HNF1B: variants seen among roughly 807,000 people sequenced by gnomAD.
HNF1B encodes hepatocyte nuclear factor 1-beta.
Under a neutral mutation model 61.7 loss-of-function variants are expected in HNF1B, and 8 were observed. The observed-to-expected ratio is 0.13, with a 90% CI of 0.08 to 0.23. The LOEUF (loss-of-function observed/expected upper bound fraction) is 0.23, where lower values mean the gene tolerates loss of function less well. HNF1B is among the 10% of genes least tolerant of loss of function. The probability of loss-of-function intolerance (pLI) is 1.00; values close to 1 mark genes in which losing one functional copy is unlikely to be tolerated. For synonymous variants in HNF1B, 314 were observed against 287.7 expected (o/e 1.09, Z -0.93); for missense variants, 562 against 714.5 (o/e 0.79, Z 2.43).
chr17:37,713,669 G>A (rs1429578014), intron 4 of HNF1B, among the ~76,000 whole-genome samples: 1 of 152,202 alleles, frequency 6.6e-6, no homozygotes, highest in East Asian at 1.9e-4. Flanking sequence ...AATTTCTTGG[G>A]TGAGCACCAG....
In HNF1B at chr17:37,731,480, C is replaced by T. The variant is rs2033680371; in HGVS notation, c.1045+115G>A. Reference sequence around the variant, plus strand: ...TATATTCTGGCAATGAGAGAGCGGCCCTAGGATCATCTCAAAAGCGTTTGC... The same window carrying T: ...TATATTCTGGCAATGAGAGAGCGGCTCTAGGATCATCTCAAAAGCGTTTGC... On this transcript the variant is annotated intron_variant, in intron 4 of 8. Transcript: ENST00000617811. The T allele has an allele frequency of 9.6e-6, 8 of 829,788 alleles. No homozygotes were observed. The East Asian group carries it at 2.1e-4, about 22-fold the overall frequency. The allele number at this position is 829,788 out of a possible 1,614,324, so 51.4% of individuals were successfully genotyped here.
In HNF1B at chr17:37,733,662, C is replaced by T. The variant is rs2033752564; in HGVS notation, c.704G>A (p.Arg235Gln). The T allele has an allele frequency of 1.2e-6, 2 of 1,614,112 alleles. No individual in the cohort carries two copies. Among genetic ancestry groups the T allele is most frequent in the Non-Finnish European group, 8.5e-7 (1 of 1,180,032 alleles). The change falls in exon 3 of 9, where the codon CGG becomes CAG. Residue 235 changes from arginine to glutamine, a missense_variant. By Grantham distance (43) the Arg-to-Gln change is conservative. Coordinates refer to ENST00000617811, the MANE Select transcript of HNF1B (RefSeq NM_000458.4). ...EPTNKKMRRNRFKWGPASQQI... is the reference protein window; with the variant it reads ...EPTNKKMRRNQFKWGPASQQI... ...CTGGGACGCGGGCCCCCATTTGAAC[C>T]GGTTGCGGCGCATCTTCTTGTTGGT...
At chr17:37,699,668 G>A (rs1023896019) in intron 7 of HNF1B, among the ~76,000 whole-genome samples, 4 of 152,216 alleles carry the variant, frequency 2.6e-5, no homozygotes, top group Admixed American at 2.0e-4. Flanking sequence ...CAGGTGAAGG[G>A]ATGGGGTAAG....
chr17:37,697,645 G>GC (rs1422411373), intron 8 of HNF1B, among the ~76,000 whole-genome samples: 1 of 152,142 alleles, frequency 6.6e-6, no homozygotes, highest in Non-Finnish European at 1.5e-5. Flanking sequence ...GCGCCTGGCT[G>GC]CCCCCCTGAT....
intron 5 of HNF1B, among the ~76,000 whole-genome samples, chr17:37,705,740 C>T (rs2032725402): frequency 6.6e-6 from 1 of 152,072 alleles, no homozygotes; most frequent in South Asian, 2.1e-4. Context: ...CTTTTCCTTG[C>T]TAGTACTGAT....
chr17:37,720,518 T>C (rs1288348094), intron 4 of HNF1B, among the ~76,000 whole-genome samples: 2 of 151,784 alleles, frequency 1.3e-5, no homozygotes, highest in African/African-American at 4.8e-5. Flanking sequence ...CATATATATA[T>C]AATTATATAG....
At chr17:37,731,009 C>T (rs747118459) in intron 4 of HNF1B, 2 of 174,386 alleles carry the variant, frequency 1.1e-5, no homozygotes, top group Non-Finnish European at 2.5e-5. Context: ...AGCAGGTACT[C>T]GGTCAGTTTT....
intron 4 of HNF1B, among the ~76,000 whole-genome samples, chr17:37,726,413 C>T (rs62073544): frequency 1.3e-5 from 2 of 152,302 alleles, no homozygotes; most frequent in Non-Finnish European, 1.5e-5. Context: ...TGGAGGAACT[C>T]GGCCCAGGGC....
At chr17:37,723,424 G>A (rs191702400) in intron 4 of HNF1B, among the ~76,000 whole-genome samples, 1 of 152,240 alleles carries the variant, frequency 6.6e-6, no homozygotes, top group Admixed American at 6.5e-5. Context: ...TCGACTTCAT[G>A]AACATCATGA....
At chr17:37,743,561 G>A (rs1368348038) in intron 1 of HNF1B, among the ~76,000 whole-genome samples, 1 of 152,262 alleles carries the variant, frequency 6.6e-6, no homozygotes, top group Admixed American at 6.5e-5. Flanking sequence ...CCAAGGCTCA[G>A]CCCCGAAATC....
chr17:37,715,218 T>A (rs2033065552), intron 4 of HNF1B, among the ~76,000 whole-genome samples: 1 of 152,162 alleles, frequency 6.6e-6, no homozygotes, highest in Non-Finnish European at 1.5e-5. Flanking sequence ...GATGATATGT[T>A]TACTTTTCTC....
intron 4 of HNF1B, chr17:37,721,054 T>C (rs1284289454): frequency 6.3e-6 from 4 of 638,782 alleles, no homozygotes; most frequent in African/African-American, 2.0e-5. Context: ...TCACATAGAC[T>C]TCACTGCCAA....
chr17:37,728,367 C>T (rs1486497824), intron 4 of HNF1B, among the ~76,000 whole-genome samples: 5 of 148,024 alleles, frequency 3.4e-5, no homozygotes, highest in East Asian at 2.0e-4. Context: ...AGTGCAGTGG[C>T]GTGATCTCTG....
intron 2 of HNF1B, among the ~76,000 whole-genome samples, chr17:37,737,822 G>A (rs1337275212): frequency 6.6e-6 from 1 of 152,108 alleles, no homozygotes; most frequent in Non-Finnish European, 1.5e-5. Flanking sequence ...GTGGCAGAGC[G>A]AGACCCCGTC....
intron 7 of HNF1B, 148 bp downstream of exon 7, chr17:37,700,835 C>T (rs1333013217): frequency 8.0e-6 from 6 of 753,540 alleles, no homozygotes; most frequent in Non-Finnish European, 1.1e-5. Context: ...AAGAGTTATG[C>T]TTGAGAAATT....
chr17:37,699,565 G>A (rs2032496918), intron 7 of HNF1B, among the ~76,000 whole-genome samples: 1 of 152,200 alleles, frequency 6.6e-6, no homozygotes, highest in African/African-American at 2.4e-5. Context: ...CTCTTCATGG[G>A]CGGCCAGGCC....
intron 1 of HNF1B, among the ~76,000 whole-genome samples, chr17:37,742,853 G>A (rs1352331716): frequency 6.6e-6 from 1 of 151,392 alleles, no homozygotes; most frequent in African/African-American, 2.4e-5. Context: ...GGGCCGCACG[G>A]GGCGCCTGGC....
rs1038671595 is a variant in HNF1B at position 37,741,099 on chromosome 17, C to A, written c.345-1460G>T. ...TAGCTTGATAGAACAAGAAAAAAAA[C>A]GGAAGGGAAAACTAGTTTCAGGTGA... On this transcript the variant is annotated intron_variant, in intron 1 of 8. Coordinates refer to ENST00000617811, the MANE Select transcript of HNF1B (RefSeq NM_000458.4). Among the ~76,000 whole-genome samples the A allele has an allele frequency of 2.6e-5, 4 of 151,852 alleles. No individual in the cohort carries two copies. The South Asian group carries it at 8.3e-4, about 32-fold the overall frequency.
At chr17:37,712,739 G>C (rs967397881) in intron 4 of HNF1B, among the ~76,000 whole-genome samples, 1 of 152,144 alleles carries the variant, frequency 6.6e-6, no homozygotes, top group Non-Finnish European at 1.5e-5. Flanking sequence ...CTGTGCCTTT[G>C]TTTCCTCTAG....
Sources: gnomAD v4.1 joint callset for allele counts (sites outside exome capture counted in the v4.1 genomes callset) on GRCh38, gnomAD v4.1.1 for gene constraint, MANE v1.5 for transcripts, NCBI Gene and HGNC (gene_info 2026-07-23, HGNC 2026-07-21) for gene names.